Variants in FBXL17 observed in about 807,000 individuals in gnomAD.
The protein encoded by FBXL17 is F-box and leucine rich repeat protein 17.
Under a neutral mutation model 66.2 loss-of-function variants are expected in FBXL17, and 22 were observed. The observed-to-expected ratio is 0.33, with a 90% CI of 0.24 to 0.47. The LOEUF (loss-of-function observed/expected upper bound fraction) is 0.47. Among genes scored for constraint, FBXL17 ranks in the 20% least tolerant of loss-of-function variants. The pLI, the probability that FBXL17 is intolerant of heterozygous loss-of-function variation, is 1.00. For missense variants in FBXL17, 878 were observed against 948.2 expected (o/e 0.93, Z 0.97); for synonymous variants, 474 against 400.5 (o/e 1.18, Z -2.19).
Position 107,929,773 on chromosome 5 carries a change from T to A in FBXL17, c.1823-48594A>T, listed in dbSNP as rs531606620. On this transcript the variant is annotated intron_variant, in intron 7 of 8. Transcript: ENST00000542267. ...ATCACCTGTTCCATCTCTTCCCCCA[T>A]CTGTATATACAAAGGCAAATGGTTC... is the stretch of plus-strand genomic sequence containing the variant. Among the ~76,000 whole-genome samples the A allele has an allele frequency of 3.2e-4, 48 of 152,100 alleles. No individual in the cohort carries two copies. In the South Asian group the frequency reaches 9.8e-3, roughly 31 times the overall value.
At chr5:108,182,239 G>A (rs765064971) in intron 6 of FBXL17, among the ~76,000 whole-genome samples, 1 of 152,088 alleles carries the variant, frequency 6.6e-6, no homozygotes, top group Non-Finnish European at 1.5e-5. Flanking sequence ...AATAATGAAC[G>A]AATGTAAAAC....
intron 7 of FBXL17, among the ~76,000 whole-genome samples, chr5:107,906,746 G>T (rs1362693543): frequency 6.6e-6 from 1 of 152,120 alleles, no homozygotes; most frequent in Admixed American, 6.6e-5. Flanking sequence ...AAATTGTTAT[G>T]AATAGTAAAC....
At chr5:107,940,416 G>C (rs767692979) in intron 7 of FBXL17, among the ~76,000 whole-genome samples, 1 of 152,154 alleles carries the variant, frequency 6.6e-6, no homozygotes, top group Non-Finnish European at 1.5e-5. Context: ...TATATGCAAG[G>C]TGGTCAGCAT....
At position 108,367,869 on chromosome 5, in the gene FBXL17, G is replaced by C; in HGVS notation, c.1078C>G (p.Gln360Glu). 6.4e-7 allele frequency: 1 copy of C among 1,550,914 alleles called. No individual in the cohort carries two copies. The highest frequency in any genetic ancestry group is 8.7e-7 in the Non-Finnish European group (1 of 1,146,486). ...CTAAGATCCAGCTGCTTCCAAAACT[G>C]GAAGTCTAAACAAAGGTCACGCCAG... ...KYWRDLCLDF[Q>E]FWKQLDLSSR... The change falls in exon 2 of 9, where the codon CAG becomes GAG. Residue 360 changes from glutamine to glutamate, a missense_variant. Physicochemically the swap from Gln to Glu is conservative, Grantham distance 29. Transcript: ENST00000542267.
chr5:107,966,906 C>T (rs1236350635), intron 7 of FBXL17, among the ~76,000 whole-genome samples: 2 of 151,522 alleles, frequency 1.3e-5, no homozygotes, highest in Non-Finnish European at 2.9e-5. Context: ...TTCTTTTTTC[C>T]TTGTTTTGGG....
At position 108,154,614 on chromosome 5, in the gene FBXL17, TATACAC is replaced by T. The variant is rs1253918105; in HGVS notation, c.1745+31497_1745+31502del. Among the ~76,000 whole-genome samples the T allele has an allele frequency of 5.1e-3, 500 of 98,268 alleles. 11 individuals are homozygous for T. The highest frequency in any genetic ancestry group is 0.017 in the African/African-American group (463 of 26,752). The allele number at this position is 98,268 out of a possible 152,430, so 64.5% of individuals were successfully genotyped here. A position where few individuals can be genotyped will look rare whatever the true frequency, so the allele number is the denominator to read the frequency against. On this transcript the variant is annotated intron_variant, in intron 6 of 8. Transcript: ENST00000542267. ...TCAAAAAAAAAAAAAAAAATATATA[TATACAC>T]ACACACACACACACACACACACACA...
intron 6 of FBXL17, among the ~76,000 whole-genome samples, chr5:108,159,366 G>A (rs558803955): frequency 3.5e-4 from 54 of 152,208 alleles, no homozygotes; most frequent in African/African-American, 1.2e-3. Flanking sequence ...CATATACTAC[G>A]GTGTGAATGT....
At chr5:107,903,719 T>C (rs1327698752) in intron 7 of FBXL17, among the ~76,000 whole-genome samples, 4 of 121,642 alleles carry the variant, frequency 3.3e-5, no homozygotes, top group Non-Finnish European at 6.8e-5. Flanking sequence ...GGGAGATTTA[T>C]AACTTGCTTA....
intron 7 of FBXL17, among the ~76,000 whole-genome samples, chr5:107,970,901 C>A (rs914973831): frequency 2.0e-5 from 3 of 152,090 alleles, no homozygotes; most frequent in Admixed American, 6.6e-5. Context: ...ATGGAAGTTG[C>A]TTATGTGAGC....
intron 5 of FBXL17, among the ~76,000 whole-genome samples, chr5:108,187,838 C>G (rs1401366090): frequency 6.6e-6 from 1 of 152,180 alleles, no homozygotes; most frequent in Non-Finnish European, 1.5e-5. Context: ...AAATAATAAA[C>G]TGGTACTGTT....
chr5:108,038,064 T>C (rs897204179), intron 6 of FBXL17, among the ~76,000 whole-genome samples: 1 of 152,180 alleles, frequency 6.6e-6, no homozygotes, highest in Non-Finnish European at 1.5e-5. Flanking sequence ...CGACAAATGA[T>C]TCATGTTCTT....
intron 7 of FBXL17, among the ~76,000 whole-genome samples, chr5:107,958,169 A>G (rs1181699543): frequency 6.6e-6 from 1 of 151,800 alleles, no homozygotes; most frequent in African/African-American, 2.4e-5. Context: ...GAGTAAAAAG[A>G]AAAGGAGAAA....
At chr5:107,896,447 TAGA>T (rs79271791) in intron 7 of FBXL17, among the ~76,000 whole-genome samples, 19,037 of 152,146 alleles carry the variant, frequency 0.13, 1,385 homozygotes, top group Middle Eastern at 0.22. Flanking sequence ...CTGAGCCAAC[TAGA>T]AGGTGAGTAT....
chr5:108,298,788 CTAATT>C (rs1237781295), intron 4 of FBXL17: 1 of 795,908 alleles, frequency 1.3e-6, no homozygotes, highest in African/African-American at 1.9e-5. Flanking sequence ...AATCAAAAAC[CTAATT>C]TAGTGTATAC....
chr5:108,034,333 C>A (rs1308215429), intron 6 of FBXL17, among the ~76,000 whole-genome samples: 1 of 152,168 alleles, frequency 6.6e-6, no homozygotes, highest in Non-Finnish European at 1.5e-5. Context: ...TCTACTCTAA[C>A]TGAATACTTG....
intron 4 of FBXL17, among the ~76,000 whole-genome samples, chr5:108,254,422 T>G (rs1002625924): frequency 3.3e-5 from 5 of 152,166 alleles, no homozygotes; most frequent in Non-Finnish European, 5.9e-5. Context: ...TACAGAAAAC[T>G]GTCCCGAATG....
intron 4 of FBXL17, among the ~76,000 whole-genome samples, chr5:108,256,854 T>G (rs1268061493): frequency 6.6e-6 from 1 of 152,114 alleles, no homozygotes; most frequent in African/African-American, 2.4e-5. Flanking sequence ...TATTTTTTTT[T>G]GTTTCTGTTC....
At chr5:108,258,556 C>A (rs1756674867) in intron 4 of FBXL17, among the ~76,000 whole-genome samples, 1 of 151,948 alleles carries the variant, frequency 6.6e-6, no homozygotes. Flanking sequence ...GAAAAAAATA[C>A]AAAATTTCTG....
At chr5:108,186,343 G>A (rs1753230722) in intron 5 of FBXL17, 96 bp from the exon 6 acceptor site, 1 of 999,010 alleles carries the variant, frequency 1.0e-6, no homozygotes, top group Non-Finnish European at 1.5e-6. Context: ...GAGTATCACT[G>A]TAAAATATTT....
Sources: allele counts gnomAD v4.1 joint callset (sites outside exome capture counted in the v4.1 genomes callset), GRCh38; gene constraint gnomAD v4.1.1; transcripts MANE v1.5; gene names NCBI Gene and HGNC (gene_info 2026-07-23, HGNC 2026-07-21).